Variants in VPS26A observed in about 807,000 individuals in gnomAD.
VPS26A encodes vacuolar protein sorting-associated protein 26A.
VPS26A carries 22 observed loss-of-function variants against 42.4 expected under a neutral mutation model. That is an observed-to-expected ratio of 0.52 (90% CI 0.37 to 0.74). The LOEUF is 0.74. VPS26A is among the 30% of genes least tolerant of loss of function. The pLI, the probability that VPS26A is intolerant of heterozygous loss-of-function variation, is 0.00. For synonymous variants in VPS26A, 110 were observed against 123.5 expected, an observed-to-expected ratio of 0.89 and a Z score of 0.73; for missense variants, 276 against 379.2, an observed-to-expected ratio of 0.73 and a Z score of 2.26.
chr10:69,124,331 C>T, intron 1 of VPS26A, 51 bp downstream of exon 1: 1 of 1,234,414 alleles, frequency 8.1e-7, no homozygotes, highest in Non-Finnish European at 1.0e-6. Flanking sequence ...TCCCGGAGCG[C>T]GCGGCGGGCC....
At chr10:69,148,759 T>A (rs1043900603) in intron 2 of VPS26A, among the ~76,000 whole-genome samples, 2 of 150,618 alleles carry the variant, frequency 1.3e-5, no homozygotes, top group African/African-American at 4.9e-5. Flanking sequence ...AGAGTATTTT[T>A]TTTTTTTTTT....
At chr10:69,156,036 C>T (rs539155750) in intron 3 of VPS26A, 149 bp downstream of exon 3, 1 of 615,998 alleles carries the variant, frequency 1.6e-6, no homozygotes, top group East Asian at 2.8e-5. Flanking sequence ...TACTTTATAA[C>T]TATATTAAAT....
chr10:69,171,596 G>C lies in VPS26A; in HGVS notation c.*327G>C, dbSNP rs773277468. 25 of 176,644 alleles carry C rather than the reference G, an allele frequency of 1.4e-4. No homozygotes were observed. The highest frequency in any genetic ancestry group is 2.1e-4 in the Non-Finnish European group (18 of 84,910). 10.9% of individuals were successfully genotyped at this position (176,644 alleles called of 1,614,324 possible). ...TTTTCATGTGAGTAGGCTGGTATTT[G>C]TAATTTTGCTTTCTTTCTGCATAAT... On this transcript the variant is annotated 3_prime_UTR_variant, in exon 9 of 9. Transcript: ENST00000263559.
intron 2 of VPS26A, among the ~76,000 whole-genome samples, chr10:69,145,309 A>T (rs1161917752): frequency 6.6e-6 from 1 of 152,234 alleles, no homozygotes; most frequent in Non-Finnish European, 1.5e-5. Flanking sequence ...TGCAGGGATT[A>T]CAGGTGTGAG....
At position 69,132,971 on chromosome 10, in the gene VPS26A, T is replaced by C; in HGVS notation, c.77T>C (p.Met26Thr). The C allele has an allele frequency of 1.2e-6, 2 of 1,612,962 alleles. No individual in the cohort carries two copies. Among genetic ancestry groups the C allele is most frequent in the South Asian group, 1.1e-5 (1 of 90,778 alleles). Residue 26 changes from methionine to threonine, a missense_variant, in exon 2 of 9, where the codon ATG becomes ACG. Coordinates refer to ENST00000263559, the MANE Select transcript of VPS26A (RefSeq NM_004896.5). The part of the protein sequence containing the change: ...IVLNDGETRK[M>T]AEMKTEDGKV... ...CTTAATGATGGGGAAACCAGGAAAA[T>C]GGCAGAAATGAAAACTGAAGATGGC... is the stretch of plus-strand genomic sequence containing the variant.
chr10:69,147,748 C>T (rs1841194176), intron 2 of VPS26A, among the ~76,000 whole-genome samples: 7 of 152,134 alleles, frequency 4.6e-5, no homozygotes, highest in Admixed American at 4.6e-4. Context: ...GAGTCCTGCT[C>T]TGTCGCCAGG....
chr10:69,127,376 A>AC (rs1345332344), intron 1 of VPS26A, among the ~76,000 whole-genome samples: 1 of 146,310 alleles, frequency 6.8e-6, no homozygotes, highest in Non-Finnish European at 1.5e-5. Flanking sequence ...ACACGGTGAA[A>AC]CCCCGTCTCC....
At chr10:69,169,689 A>G (rs1841774263) in intron 8 of VPS26A, among the ~76,000 whole-genome samples, 1 of 151,768 alleles carries the variant, frequency 6.6e-6, no homozygotes, top group African/African-American at 2.4e-5. Flanking sequence ...GCTCACTGCA[A>G]CCTTCACCTC....
In VPS26A at chr10:69,155,860, A is replaced by C; in HGVS notation, c.202A>C (p.Ile68Leu). 6.2e-7 allele frequency: 1 copy of C among 1,612,214 alleles called. No individual in the cohort carries two copies. Among genetic ancestry groups the C allele is most frequent in the Non-Finnish European group, 8.5e-7 (1 of 1,178,982 alleles). Residue 68 changes from isoleucine (I) to leucine (L), a missense_variant, in exon 3 of 9, where the codon ATT (isoleucine) becomes CTT (leucine). Coordinates refer to ENST00000263559, the MANE Select transcript of VPS26A (RefSeq NM_004896.5). ...TGGAAAGAGGCTAGAACACCAAGGAATTAGAATTGAATTTGTAGGTCAAAT... is the reference window on the plus strand; with the variant it reads ...TGGAAAGAGGCTAGAACACCAAGGACTTAGAATTGAATTTGTAGGTCAAAT... ...QPGKRLEHQGIRIEFVGQIEL... is the reference protein window; with the variant it reads ...QPGKRLEHQGLRIEFVGQIEL...
chr10:69,124,400 G>T, intron 1 of VPS26A, 120 bp downstream of exon 1: 1 of 1,123,332 alleles, frequency 8.9e-7, no homozygotes, highest in Non-Finnish European at 1.1e-6. Context: ...GCGGGGAGCG[G>T]GGTTAGGCCT....
intron 2 of VPS26A, among the ~76,000 whole-genome samples, chr10:69,155,051 G>C (rs1841403228): frequency 6.6e-6 from 1 of 152,150 alleles, no homozygotes; most frequent in African/African-American, 2.4e-5. Flanking sequence ...TTGGGAGGCT[G>C]AGGGAGGAGG....
chr10:69,158,277 A>G, intron 5 of VPS26A, 66 bp downstream of exon 5: 1 of 1,289,356 alleles, frequency 7.8e-7, no homozygotes, highest in Non-Finnish European at 1.0e-6. Context: ...GGTGTTTGTC[A>G]GTTGGTCAAA....
intron 6 of VPS26A, among the ~76,000 whole-genome samples, chr10:69,162,981 T>C (rs968671268): frequency 6.9e-6 from 1 of 144,850 alleles, no homozygotes; most frequent in Admixed American, 6.8e-5. Context: ...AGTTATTATG[T>C]ATACAAGCAA....
At position 69,124,213 on chromosome 10, in the gene VPS26A, C is replaced by CG. The variant is rs1372653278; in HGVS notation, c.-61dup. On this transcript the variant is annotated 5_prime_UTR_variant, in exon 1 of 9. Coordinates refer to ENST00000263559, the MANE Select transcript of VPS26A (RefSeq NM_004896.5). ...GACGGAGCGCCGGAGCGGAGGGAGC[C>CG]GGGGCTGGGAGTTCTCCTGAGGGAA... is the stretch of plus-strand genomic sequence containing the variant. 1.6e-6 allele frequency: 2 copies of CG among 1,270,788 alleles called. No individual in the cohort carries two copies. The highest frequency in any genetic ancestry group is 2.0e-6 in the Non-Finnish European group (2 of 1,002,746). The allele number at this position is 1,270,788 out of a possible 1,614,324, so 78.7% of individuals were successfully genotyped here.
At chr10:69,137,882 T>TATATATATATATATATATATATA (rs1564675546) in intron 2 of VPS26A, among the ~76,000 whole-genome samples, 11 of 151,276 alleles carry the variant, frequency 7.3e-5, no homozygotes, top group African/African-American at 2.7e-4. Context: ...TATATATATA[T>TATATATATATATATATATATATA]TCGCCATAAA....
intron 2 of VPS26A, among the ~76,000 whole-genome samples, chr10:69,142,934 T>G (rs1481139356): frequency 6.6e-6 from 1 of 151,984 alleles, no homozygotes; most frequent in Non-Finnish European, 1.5e-5. Context: ...CTGCTAGGAG[T>G]CCTTTAGTAA....
chr10:69,124,356 C>T (rs1057386184), intron 1 of VPS26A, 76 bp downstream of exon 1: 1 of 1,219,380 alleles, frequency 8.2e-7, no homozygotes, highest in East Asian at 3.4e-5. Flanking sequence ...AACCGCGGGC[C>T]GGGCGTCGCC....
At chr10:69,157,191 C>G (rs1564683614) in intron 4 of VPS26A, 28 bp downstream of exon 4, 1 of 1,579,640 alleles carries the variant, frequency 6.3e-7, no homozygotes. Flanking sequence ...AAACTGTAAA[C>G]AGAATCAAAA....
intron 2 of VPS26A, among the ~76,000 whole-genome samples, chr10:69,134,767 T>C (rs1271011954): frequency 6.6e-6 from 1 of 152,168 alleles, no homozygotes; most frequent in East Asian, 1.9e-4. Context: ...TTTTCAACTT[T>C]ACTTCCCTTT....
Sources: allele counts gnomAD v4.1 joint callset (sites outside exome capture counted in the v4.1 genomes callset), GRCh38; gene constraint gnomAD v4.1.1; transcripts MANE v1.5; gene names NCBI Gene and HGNC (gene_info 2026-07-23, HGNC 2026-07-21).